RCC1: variants seen among roughly 807,000 people sequenced by gnomAD.
RCC1 encodes regulator of chromosome condensation 1.
RCC1 carries 11 observed loss-of-function variants against 44.4 expected under a neutral mutation model. The observed-to-expected ratio is 0.25, with a 90% CI of 0.16 to 0.41. RCC1 has a LOEUF of 0.41. Among genes scored for constraint, RCC1 ranks in the 10% least tolerant of loss-of-function variants. The probability of loss-of-function intolerance (pLI) is 1.00; values close to 1 mark genes in which losing one functional copy is unlikely to be tolerated. For synonymous variants in RCC1, 213 were observed against 216.5 expected (o/e 0.98, Z 0.14); for missense variants, 386 against 547.1 (o/e 0.71, Z 2.94).
chr1:28,512,494 T>G (rs1253369261), intron 3 of RCC1, among the ~76,000 whole-genome samples: 1 of 152,210 alleles, frequency 6.6e-6, no homozygotes, highest in Non-Finnish European at 1.5e-5. Context: ...TTCTGTGTTC[T>G]TTTTTATTGA....
intron 4 of RCC1, among the ~76,000 whole-genome samples, chr1:28,527,549 AT>A (rs1663752612): frequency 6.6e-6 from 1 of 150,756 alleles, no homozygotes; most frequent in Non-Finnish European, 1.5e-5. Flanking sequence ...TCTAAAAAAA[AT>A]CAATCAATTA....
At chr1:28,537,572 G>C (rs1317565756) in intron 12 of RCC1, among the ~76,000 whole-genome samples, 1 of 152,188 alleles carries the variant, frequency 6.6e-6, no homozygotes, top group African/African-American at 2.4e-5. Context: ...GGGAACAGAG[G>C]GTGGGGTAGG....
chr1:28,510,968 T>A (rs1285190716), intron 3 of RCC1: 2 of 152,206 alleles, frequency 1.3e-5, no homozygotes, highest in Non-Finnish European at 2.9e-5. Context: ...AGGAAATGAA[T>A]GAATTTCTAT....
intron 3 of RCC1, among the ~76,000 whole-genome samples, chr1:28,512,185 G>C (rs1314890365): frequency 1.4e-5 from 1 of 71,244 alleles, no homozygotes; most frequent in Non-Finnish European, 2.7e-5. Context: ...TCGCCATGTT[G>C]GCCAGGCTGG....
At chr1:28,508,307 C>A in intron 2 of RCC1, 147 bp downstream of exon 2, 1 of 351,538 alleles carries the variant, frequency 2.8e-6, no homozygotes, top group South Asian at 2.1e-5. Flanking sequence ...AGCCAAATAT[C>A]GACTTTGCTG....
intron 4 of RCC1, chr1:28,518,394 G>A (rs1663032973): frequency 1.3e-5 from 2 of 151,848 alleles, no homozygotes; most frequent in Non-Finnish European, 2.9e-5. Context: ...CGGTCCACGC[G>A]GGCCTAAGTC....
chr1:28,516,439 C>A (rs1662898994), intron 3 of RCC1, among the ~76,000 whole-genome samples: 1 of 149,286 alleles, frequency 6.7e-6, no homozygotes, highest in Admixed American at 6.7e-5. Flanking sequence ...TTGAACCTGG[C>A]TGCAGTGAGC....
chr1:28,530,159 A>C (rs79695164), intron 5 of RCC1, among the ~76,000 whole-genome samples: 2 of 37,956 alleles, frequency 5.3e-5, no homozygotes, highest in African/African-American at 2.2e-4. Flanking sequence ...CACTGGCACA[A>C]AAAAAAAAAA....
chr1:28,515,953 G>A (rs1042736989), intron 3 of RCC1, among the ~76,000 whole-genome samples: 3 of 151,830 alleles, frequency 2.0e-5, no homozygotes. Context: ...AGGCTGAGGC[G>A]GGTGGATCAC....
At chr1:28,524,130 A>T (rs1475885062) in intron 4 of RCC1, among the ~76,000 whole-genome samples, 1 of 152,200 alleles carries the variant, frequency 6.6e-6, no homozygotes. Context: ...GATGCCTCTT[A>T]TATCCCACAT....
Position 28,536,414 on chromosome 1 carries a change from G to T in RCC1, c.937+33G>T, listed in dbSNP as rs1264693924. 3.7e-6 allele frequency: 6 copies of T among 1,606,336 alleles called. No homozygotes were observed. The highest frequency in any genetic ancestry group is 1.7e-5 in the Admixed American group (1 of 59,232). ...CTTTACGTCCTTCTCTAGTTTGGGG[G>T]TGGAGTGTTCCCTGGCCTAGGCCTA... On this transcript the variant is annotated intron_variant, in intron 11 of 12. Coordinates refer to ENST00000683442, the MANE Select transcript of RCC1 (RefSeq NM_001381865.2). This position sits in a 1 kb window ranked among gnomAD's most constrained non-coding sequence, Gnocchi z 4.9.
intron 4 of RCC1, among the ~76,000 whole-genome samples, chr1:28,528,321 T>C (rs557467456): frequency 1.3e-5 from 2 of 152,104 alleles, no homozygotes; most frequent in South Asian, 4.1e-4. Flanking sequence ...CTGGGTGTGG[T>C]GGTGGGTGCC....
At chr1:28,511,396 GTTT>G (rs1289599808) in intron 3 of RCC1, among the ~76,000 whole-genome samples, 4 of 131,780 alleles carry the variant, frequency 3.0e-5, no homozygotes, top group Non-Finnish European at 6.2e-5. Context: ...CCAATTTTTT[GTTT>G]TTTGTTTTTT....
intron 12 of RCC1, among the ~76,000 whole-genome samples, chr1:28,537,253 G>A (rs1013367698): frequency 1.3e-5 from 2 of 151,916 alleles, no homozygotes; most frequent in African/African-American, 2.4e-5. Context: ...GTATGTTCCC[G>A]CTTTCCAGGG....
intron 3 of RCC1, chr1:28,510,590 TAA>T (rs1491342843): frequency 6.6e-6 from 1 of 152,144 alleles, no homozygotes; most frequent in African/African-American, 2.4e-5. Context: ...GTGACAGAGT[TAA>T]GTCTCAAAAA....
chr1:28,522,989 A>T (rs886480019), intron 4 of RCC1, among the ~76,000 whole-genome samples: 3 of 150,112 alleles, frequency 2.0e-5, no homozygotes, highest in Middle Eastern at 3.4e-3. Context: ...CTGAGAGACT[A>T]CTAGGGAGCA....
At chr1:28,512,067 T>C (rs1557867677) in intron 3 of RCC1, among the ~76,000 whole-genome samples, 1 of 145,996 alleles carries the variant, frequency 6.8e-6, no homozygotes, top group Non-Finnish European at 1.5e-5. Flanking sequence ...CTCTGCTTCC[T>C]GGGTTCAAGC....
In RCC1 at chr1:28,529,994, A is replaced by AC. The variant is rs890915241; in HGVS notation, c.73+58dup. ...CAGGTGGCCCCTTGAAACCCTAAGA[A>AC]CCCGGGACTGGGCTCCTTTCTTCCT... On this transcript the variant is annotated intron_variant, in intron 5 of 12. Transcript: ENST00000683442. 4.4e-6 allele frequency: 6 copies of AC among 1,374,556 alleles called. No individual in the cohort carries two copies. In the African/African-American group the frequency reaches 8.7e-5, roughly 20 times the overall value. 85.1% of individuals were successfully genotyped at this position (1,374,556 alleles called of 1,614,324 possible). A position where few individuals can be genotyped will look rare whatever the true frequency, so the allele number is the denominator to read the frequency against.
chr1:28,513,545 G>A (rs927725013), intron 3 of RCC1, among the ~76,000 whole-genome samples: 2 of 151,576 alleles, frequency 1.3e-5, no homozygotes, highest in East Asian at 3.9e-4. Flanking sequence ...TTTTCAGTAT[G>A]ACAGTCTATG....
Sources: gnomAD v4.1 joint callset for allele counts (sites outside exome capture counted in the v4.1 genomes callset) on GRCh38, gnomAD v4.1.1 for gene constraint, Gnocchi (gnomAD v3.1) non-coding constraint, MANE v1.5 for transcripts, NCBI Gene and HGNC (gene_info 2026-07-23, HGNC 2026-07-21) for gene names.